Variants in NKTR observed in about 807,000 individuals in gnomAD.
NKTR encodes the protein NK-tumor recognition protein.
Under a neutral mutation model 156.3 loss-of-function variants are expected in NKTR, and 67 were observed. That is an observed-to-expected ratio of 0.43 (90% CI 0.35 to 0.53). The LOEUF (loss-of-function observed/expected upper bound fraction) is 0.53, where lower values mean the gene tolerates loss of function less well. Ranked by LOEUF, NKTR falls within the 20% of genes least tolerant of loss-of-function variation. The probability of loss-of-function intolerance (pLI) is 0.01; values close to 1 mark genes in which losing one functional copy is unlikely to be tolerated. For synonymous variants in NKTR, 640 were observed against 596.6 expected, an observed-to-expected ratio of 1.07 and a Z score of -1.06; for missense variants, 1,604 against 1,730.9, an observed-to-expected ratio of 0.93 and a Z score of 1.30.
Position 42,637,641 on chromosome 3 carries a change from T to C in NKTR, c.1937T>C (p.Ile646Thr), listed in dbSNP as rs1431596573. Residue 646 changes from isoleucine to threonine, a missense_variant, in exon 13 of 17, where the codon ATC (isoleucine) becomes ACC (threonine). Physicochemically the swap from Ile to Thr is moderately conservative, Grantham distance 89. This residue lies in a region of NKTR where 1,255 missense variants were observed against 1,243.7 expected (regional missense o/e 1.01). Transcript: ENST00000232978. ...GCTAAAACAACCCATTTGCTACCCA[T>C]CCAAAGCACTTACAGTTTAGCAAAT... ...MKAKTTHLLP[I>T]QSTYSLANIK... 10 of 1,612,142 alleles carry C rather than the reference T, an allele frequency of 6.2e-6. 1 individual carries two copies. The South Asian group carries it at 1.1e-4, about 18-fold the overall frequency.
In NKTR at chr3:42,630,804, C is replaced by CT. The variant is rs1031185654; in HGVS notation, c.404+234dup. 16 of 1,348,722 alleles carry CT rather than the reference C, an allele frequency of 1.2e-5. No individual in the cohort carries two copies. In the African/African-American group the frequency reaches 2.1e-4, roughly 18 times the overall value. 83.5% of individuals were successfully genotyped at this position (1,348,722 alleles called of 1,614,324 possible). ...GGATGGGCTTCTCAGCAATATAATT[C>CT]TTTTTATTTTTTATTTTTCTCTTCA... On this transcript the variant is annotated intron_variant, in intron 7 of 16. Transcript: ENST00000232978.
chr3:42,624,395 A>G (rs1232042039), intron 6 of NKTR, among the ~76,000 whole-genome samples: 1 of 151,894 alleles, frequency 6.6e-6, no homozygotes, highest in Non-Finnish European at 1.5e-5. Flanking sequence ...AAGATTTGGG[A>G]CTAAAGTTAC....
intron 7 of NKTR, 51 bp from the exon 8 acceptor site, chr3:42,631,120 T>C: frequency 1.2e-6 from 2 of 1,605,426 alleles, no homozygotes; most frequent in Non-Finnish European, 1.7e-6. Flanking sequence ...TTGATTACTG[T>C]TTATAGCTTA....
chr3:42,622,285 A>C (rs573852927), intron 6 of NKTR, among the ~76,000 whole-genome samples: 1 of 152,162 alleles, frequency 6.6e-6, no homozygotes, highest in East Asian at 1.9e-4. Context: ...CTGCTTCAAA[A>C]CCTATTTTTA....
At chr3:42,645,362 C>T (rs193102382) in intron 16 of NKTR, among the ~76,000 whole-genome samples, 1 of 152,278 alleles carries the variant, frequency 6.6e-6, no homozygotes, top group Admixed American at 6.5e-5. Context: ...GACATTACTA[C>T]AACTTGTCAT....
chr3:42,603,373 A>AAAC (rs1553654260), intron 2 of NKTR, among the ~76,000 whole-genome samples: 1 of 150,164 alleles, frequency 6.7e-6, no homozygotes, highest in African/African-American at 2.5e-5. Context: ...AAAAAAAAAA[A>AAAC]AAAAAAAAAA....
intron 2 of NKTR, among the ~76,000 whole-genome samples, chr3:42,604,527 C>T (rs539995401): frequency 6.6e-6 from 1 of 151,892 alleles, no homozygotes; most frequent in Admixed American, 6.6e-5. Flanking sequence ...AATGTCAAAT[C>T]CAGTTGGCTA....
At chr3:42,606,465 A>G (rs1177574456) in intron 2 of NKTR, among the ~76,000 whole-genome samples, 9 of 151,974 alleles carry the variant, frequency 5.9e-5, no homozygotes, top group South Asian at 2.1e-4. Context: ...ATATTTAGGT[A>G]TTGTGCAGGT....
rs373121479 is a variant in NKTR, at chr3:42,642,613, A to G, written c.4142+17A>G. 666 of 1,505,466 alleles carry G rather than the reference A, an allele frequency of 4.4e-4. No individual in the cohort carries two copies. The highest frequency in any genetic ancestry group is 3.4e-4 in the Middle Eastern group (2 of 5,840). The allele number at this position is 1,505,466 out of a possible 1,614,324, so 93.3% of individuals were successfully genotyped here. On this transcript the variant is annotated intron_variant, in intron 14 of 16. Transcript: ENST00000232978. ...AAGTCACAGGTGAGCTTGTGATCTCACCCTGTGATGTGGTCTCCATCATGT... is the reference window on the plus strand; with the variant it reads ...AAGTCACAGGTGAGCTTGTGATCTCGCCCTGTGATGTGGTCTCCATCATGT...
In NKTR at chr3:42,636,914, C is replaced by G; in HGVS notation, c.1210C>G (p.Gln404Glu). 4 of 1,582,376 alleles carry G rather than the reference C, an allele frequency of 2.5e-6. No homozygotes were observed. Among genetic ancestry groups the G allele is most frequent in the Non-Finnish European group, 3.4e-6 (4 of 1,171,172 alleles). ...CCGATGGGATGAAAGAAGCTTGTCTCAGAGATCCAGATCATGGTCCTATAA... is the reference window on the plus strand; with the variant it reads ...CCGATGGGATGAAAGAAGCTTGTCTGAGAGATCCAGATCATGGTCCTATAA... ...SSRWDERSLS[Q>E]RSRSWSYNGY... The change falls in exon 13 of 17, where the codon CAG becomes GAG. Residue 404 changes from glutamine (Q) to glutamate (E), a missense_variant. This residue lies in a region of NKTR where 1,255 missense variants were observed against 1,243.7 expected (regional missense o/e 1.01). Transcript: ENST00000232978.
At position 42,644,771 on chromosome 3, in the gene NKTR, A is replaced by G. The variant is rs370711407; in HGVS notation, c.4301+768A>G. ...TCACCATCTCCCCTTTTGCCACTTGAAATGGCCAGTTCCCATCTACCCTGC... is the reference window on the plus strand; with the variant it reads ...TCACCATCTCCCCTTTTGCCACTTGGAATGGCCAGTTCCCATCTACCCTGC... On this transcript the variant is annotated intron_variant, in intron 16 of 16. Coordinates refer to ENST00000232978, the MANE Select transcript of NKTR (RefSeq NM_005385.4). Among the ~76,000 whole-genome samples the G allele has an allele frequency of 5.3e-4, 81 of 152,212 alleles. No individual in the cohort carries two copies. In the East Asian group the frequency reaches 0.013, roughly 25 times the overall value.
chr3:42,629,042 C>G, intron 6 of NKTR: 1 of 886,860 alleles, frequency 1.1e-6, no homozygotes, highest in Non-Finnish European at 1.4e-6. Context: ...CTCTTTACAT[C>G]TTTCATATAA....
chr3:42,634,518 C>T (rs1709205530), intron 10 of NKTR, 95 bp from the exon 11 acceptor site: 1 of 627,682 alleles, frequency 1.6e-6, no homozygotes, highest in East Asian at 2.9e-5. Context: ...TGGCATGTAT[C>T]TTTGAATTAA....
rs1384634399 is a variant in NKTR at position 42,634,633 on chromosome 3, C to G, written c.950C>G (p.Pro317Arg). The change falls in exon 11 of 17, where the codon CCC (proline) becomes CGC (arginine). Residue 317 changes from proline to arginine, a missense_variant. Transcript: ENST00000232978. ...EPEPKIPDVA[P>R]IVSDQKPSVS... ...CCTAGGAAGATTCCTGATGTTGCAC[C>G]CATTGTAAGTGATCAGAAACCATCT... 1.3e-6 allele frequency: 2 copies of G among 1,583,760 alleles called. No homozygotes were observed. Among genetic ancestry groups the G allele is most frequent in the East Asian group, 2.3e-5 (1 of 44,206 alleles).
intron 6 of NKTR, chr3:42,627,214 C>T (rs950173592): frequency 5.1e-6 from 5 of 984,306 alleles, no homozygotes; most frequent in Non-Finnish European, 6.0e-6. Context: ...AGTGTTACAC[C>T]GTGCGCTCCA....
intron 6 of NKTR, among the ~76,000 whole-genome samples, chr3:42,622,136 TAAG>T (rs1251128053): frequency 1.3e-5 from 2 of 152,092 alleles, no homozygotes; most frequent in African/African-American, 4.8e-5. Flanking sequence ...TCAGGAAACT[TAAG>T]AATACTAAAT....
At position 42,638,919 on chromosome 3, in the gene NKTR, C is replaced by A; in HGVS notation, c.3215C>A (p.Thr1072Lys). 1 of 1,612,296 alleles carries A rather than the reference C, an allele frequency of 6.2e-7. No individual in the cohort carries two copies. Among genetic ancestry groups the A allele is most frequent in the Non-Finnish European group, 8.5e-7 (1 of 1,178,398 alleles). Residue 1072 changes from threonine (T) to lysine (K), a missense_variant, in exon 13 of 17, where the codon ACA (threonine) becomes AAA (lysine). This residue lies in a region of NKTR where 1,255 missense variants were observed against 1,243.7 expected (regional missense o/e 1.01). Transcript: ENST00000232978. ...GAGGACCTTTCAGGTAAACATGATA[C>A]AGTGACTGTTTCATCAGATCTTGAT... ...SEEDLSGKHD[T>K]VTVSSDLDQF...
rs1004326130 is a variant in NKTR at position 42,635,299 on chromosome 3, A to G, written c.1096A>G (p.Lys366Glu). The change falls in exon 12 of 17, where the codon AAA becomes GAA. Residue 366 changes from lysine (K) to glutamate (E), a missense_variant. Coordinates refer to ENST00000232978, the MANE Select transcript of NKTR (RefSeq NM_005385.4). ...CAGCAGTGAAACTCCTCCTCACTGGAAAGAGGAAATGCAGAGATTAAGAGC... is the reference window on the plus strand; with the variant it reads ...CAGCAGTGAAACTCCTCCTCACTGGGAAGAGGAAATGCAGAGATTAAGAGC... ...DDSSETPPHWKEEMQRLRAYR... is the reference protein window; with the variant it reads ...DDSSETPPHWEEEMQRLRAYR... 2 of 1,613,394 alleles carry G rather than the reference A, an allele frequency of 1.2e-6. No individual in the cohort carries two copies. The highest frequency in any genetic ancestry group is 1.3e-5 in the African/African-American group (1 of 74,882).
chr3:42,608,524 C>G (rs1706463129), intron 2 of NKTR, among the ~76,000 whole-genome samples: 1 of 152,178 alleles, frequency 6.6e-6, no homozygotes, highest in Non-Finnish European at 1.5e-5. Flanking sequence ...ATTGTGTTCA[C>G]CAGTCTGGAA....
Sources: gnomAD v4.1 joint callset for allele counts (sites outside exome capture counted in the v4.1 genomes callset) on GRCh38, gnomAD v4.1.1 for gene constraint, gnomAD v4.1.1 regional missense constraint, MANE v1.5 for transcripts, NCBI Gene and HGNC (gene_info 2026-07-23, HGNC 2026-07-21) for gene names.